TMPRSS15: variants seen among roughly 807,000 people sequenced by gnomAD.
The protein encoded by TMPRSS15 is transmembrane serine protease 15, also known as enteropeptidase.
In TMPRSS15, 128 loss-of-function variants were observed where a neutral mutation model predicts 125.3. That is an observed-to-expected ratio of 1.02 (90% CI 0.89 to 1.18). The LOEUF (loss-of-function observed/expected upper bound fraction) is 1.18, where lower values mean the gene tolerates loss of function less well. TMPRSS15 is among the 50% of genes most tolerant of loss of function. TMPRSS15 has a pLI of 0.00. For missense variants in TMPRSS15, 1,283 were observed against 1,212.7 expected (o/e 1.06, Z -0.86); for synonymous variants, 446 against 423.2 (o/e 1.05, Z -0.66).
Position 18,383,627 on chromosome 21 carries a change from C to T in TMPRSS15, c.496G>A (p.Asp166Asn). ...HIDLNSVDIL[D>N]KLTTTSHLAT... ...GAAATCAAATAATGTTCACACATACCTAGGATATCAACGCTGTTCAAATCA... is the reference window on the plus strand; with the variant it reads ...GAAATCAAATAATGTTCACACATACTTAGGATATCAACGCTGTTCAAATCA... The change falls in exon 4 of 25, where the codon GAC (aspartate) becomes AAC (asparagine). Residue 166 changes from aspartate to asparagine, a missense_variant and splice_region_variant. Transcript: ENST00000284885. 6.2e-7 allele frequency: 1 copy of T among 1,613,474 alleles called. No homozygotes were observed. The highest frequency in any genetic ancestry group is 8.5e-7 in the Non-Finnish European group (1 of 1,179,854).
intron 1 of TMPRSS15, among the ~76,000 whole-genome samples, chr21:18,423,448 G>T (rs1046473196): frequency 7.0e-6 from 1 of 142,054 alleles, no homozygotes; most frequent in Admixed American, 7.3e-5. Flanking sequence ...TCGCTCTGTC[G>T]CCCAGGCTGG....
intron 5 of TMPRSS15, among the ~76,000 whole-genome samples, chr21:18,378,338 G>A (rs1032901427): frequency 1.3e-5 from 2 of 152,060 alleles, no homozygotes; most frequent in Admixed American, 1.3e-4. Flanking sequence ...TTGTCAATAT[G>A]TTGTGGTGCT....
intron 1 of TMPRSS15, among the ~76,000 whole-genome samples, chr21:18,415,880 C>A (rs970738782): frequency 6.6e-6 from 1 of 152,130 alleles, no homozygotes; most frequent in South Asian, 2.1e-4. Flanking sequence ...TAGATGACAT[C>A]ATCTTGTGTG....
rs369589592 is a variant in TMPRSS15, at chr21:18,283,587, A to G, written c.2487-2366T>C. 2.6e-4 allele frequency among the ~76,000 whole-genome samples: 39 copies of G among 151,960 alleles called. No individual in the cohort carries two copies. In the South Asian group the frequency reaches 8.1e-3, roughly 32 times the overall value. ...TAAATATTACCTATATTAATGAACT[A>G]TTAATATTTGCTCACAGTGTATGAG... On this transcript the variant is annotated intron_variant, in intron 21 of 24. Transcript: ENST00000284885.
chr21:18,388,264 C>T (rs908040580), intron 3 of TMPRSS15, among the ~76,000 whole-genome samples: 11 of 152,138 alleles, frequency 7.2e-5, no homozygotes, highest in Non-Finnish European at 1.3e-4. Flanking sequence ...AAGGTCTGGG[C>T]ACGGTACTGG....
intron 13 of TMPRSS15, among the ~76,000 whole-genome samples, chr21:18,335,280 T>TA (rs1569015756): frequency 6.6e-6 from 1 of 152,206 alleles, no homozygotes; most frequent in African/African-American, 2.4e-5. Context: ...ACTGGGTTTT[T>TA]AAAAAAATCT....
At chr21:18,406,632 A>T (rs748698800), upstream of TMPRSS15, among the ~76,000 whole-genome samples, 1 of 152,300 alleles carries the variant, frequency 6.6e-6, no homozygotes, top group Non-Finnish European at 1.5e-5. Flanking sequence ...AACTGACCTT[A>T]GACATATAAG....
chr21:18,349,389 T>G (rs1221122910), intron 10 of TMPRSS15, among the ~76,000 whole-genome samples: 1 of 152,164 alleles, frequency 6.6e-6, no homozygotes, highest in Non-Finnish European at 1.5e-5. Flanking sequence ...AAGAGAGTTC[T>G]TCAGAAGGAC....
chr21:18,419,905 A>G (rs1569065248), intron 1 of TMPRSS15, among the ~76,000 whole-genome samples: 1 of 152,218 alleles, frequency 6.6e-6, no homozygotes, highest in Non-Finnish European at 1.5e-5. Context: ...TTCTGTCAAC[A>G]TGGGTTGCAA....
intron 18 of TMPRSS15, 129 bp from the exon 19 acceptor site, chr21:18,297,958 G>A (rs1031906159): frequency 4.9e-5 from 32 of 654,458 alleles, no homozygotes; most frequent in African/African-American, 1.5e-4. Context: ...AAAAATGAAC[G>A]TTTTAATATA....
At chr21:18,400,249 A>AACT (rs1308236043) in intron 1 of TMPRSS15, among the ~76,000 whole-genome samples, 1 of 152,186 alleles carries the variant, frequency 6.6e-6, no homozygotes, top group Non-Finnish European at 1.5e-5. Flanking sequence ...TGGAACTAGG[A>AACT]AAGAGCCAGA....
At chr21:18,283,112 A>G (rs944958329) in intron 21 of TMPRSS15, among the ~76,000 whole-genome samples, 2 of 152,134 alleles carry the variant, frequency 1.3e-5, no homozygotes, top group African/African-American at 4.8e-5. Context: ...TACTTCAGCC[A>G]TGCTTGGCAT....
chr21:18,462,923 A>G (rs1259493767), intron 1 of TMPRSS15, among the ~76,000 whole-genome samples: 2 of 152,136 alleles, frequency 1.3e-5, no homozygotes, highest in Non-Finnish European at 2.9e-5. Flanking sequence ...AAAGAAAAGA[A>G]TTTTCAATCC....
At chr21:18,314,643 G>A (rs935329682) in intron 17 of TMPRSS15, among the ~76,000 whole-genome samples, 4 of 152,184 alleles carry the variant, frequency 2.6e-5, no homozygotes, top group African/African-American at 9.6e-5. Context: ...TACATAGTAC[G>A]TAAGTGTTAA....
At chr21:18,370,148 T>C (rs1295620346) in intron 6 of TMPRSS15, among the ~76,000 whole-genome samples, 2 of 152,070 alleles carry the variant, frequency 1.3e-5, no homozygotes, top group Non-Finnish European at 2.9e-5. Flanking sequence ...AGATAATTAC[T>C]TCCATTCTAA....
chr21:18,294,906 C>A (rs1174846453), intron 19 of TMPRSS15, among the ~76,000 whole-genome samples: 2 of 152,112 alleles, frequency 1.3e-5, no homozygotes, highest in African/African-American at 4.8e-5. Flanking sequence ...CCAGTTTCTT[C>A]TTCCATAAAA....
At chr21:18,322,394 A>T (rs533089052) in intron 16 of TMPRSS15, among the ~76,000 whole-genome samples, 1 of 152,354 alleles carries the variant, frequency 6.6e-6, no homozygotes, top group East Asian at 1.9e-4. Flanking sequence ...CAAAAGAAAG[A>T]AAAGCAGTAT....
Position 18,454,290 on chromosome 21 carries a change from G to A in TMPRSS15, c.10+31509C>T, listed in dbSNP as rs572024203. Among the ~76,000 whole-genome samples the A allele has an allele frequency of 1.5e-3, 222 of 152,178 alleles. 1 individual carries two copies. In the South Asian group the frequency reaches 0.02, roughly 14 times the overall value. On this transcript the variant is annotated intron_variant, in intron 1 of 7. Transcript: ENST00000422787. ...GTGATATTCTTTTGTACACTGATGC[G>A]ATGTTTCCTTCCATAAGGATTCCAA...
intron 6 of TMPRSS15, among the ~76,000 whole-genome samples, chr21:18,369,756 G>A (rs1350284582): frequency 1.3e-5 from 2 of 151,988 alleles, no homozygotes; most frequent in East Asian, 3.9e-4. Flanking sequence ...GTGGCTTTCA[G>A]GTGGAAATAA....
Sources: allele counts gnomAD v4.1 joint callset (sites outside exome capture counted in the v4.1 genomes callset), GRCh38; gene constraint gnomAD v4.1.1; transcripts MANE v1.5; gene names NCBI Gene and HGNC (gene_info 2026-07-23, HGNC 2026-07-21).